The following PDE4D variants were observed in gnomAD, a reference collection of about 807,000 sequenced individuals.
PDE4D encodes the protein 3',5'-cyclic-AMP phosphodiesterase 4D.
PDE4D carries 24 observed loss-of-function variants against 87.4 expected under a neutral mutation model. That is an observed-to-expected ratio of 0.27 (90% CI 0.20 to 0.39). The LOEUF (loss-of-function observed/expected upper bound fraction) is 0.39, where lower values mean the gene tolerates loss of function less well. PDE4D is among the 10% of genes least tolerant of loss of function. The pLI is 1.00. For missense variants in PDE4D, 714 were observed against 1,041.0 expected, an observed-to-expected ratio of 0.69 and a Z score of 4.32; for synonymous variants, 384 against 383.2, an observed-to-expected ratio of 1.00 and a Z score of -0.02.
chr5:59,955,261 A>G (rs1022808826), intron 3 of PDE4D, among the ~76,000 whole-genome samples: 18 of 152,182 alleles, frequency 1.2e-4, no homozygotes, highest in Non-Finnish European at 2.4e-4. Context: ...AAACTAAAAC[A>G]CTATGTATAA....
intron 1 of PDE4D, among the ~76,000 whole-genome samples, chr5:59,572,484 T>G (rs1048172337): frequency 1.3e-5 from 2 of 152,150 alleles, no homozygotes; most frequent in Non-Finnish European, 1.5e-5. Flanking sequence ...TGTTTTTGTT[T>G]TTGTTTTTGT....
intron 1 of PDE4D, among the ~76,000 whole-genome samples, chr5:59,394,130 TCCA>T (rs1788815768): frequency 8.2e-6 from 1 of 122,214 alleles, no homozygotes; most frequent in Non-Finnish European, 1.8e-5. Flanking sequence ...GTTTGAGCAG[TCCA>T]AGACCCACAG....
chr5:58,986,100 G>A (rs944133576), intron 11 of PDE4D, among the ~76,000 whole-genome samples: 1 of 152,208 alleles, frequency 6.6e-6, no homozygotes, highest in East Asian at 1.9e-4. Flanking sequence ...TCCCTATGTC[G>A]CTGTGGTCAC....
chr5:60,268,541 C>G (rs1259484177), intron 1 of PDE4D, among the ~76,000 whole-genome samples: 2 of 152,190 alleles, frequency 1.3e-5, no homozygotes, highest in Non-Finnish European at 2.9e-5. Flanking sequence ...AAAGTGATCT[C>G]AAGTCTCCTG....
intron 1 of PDE4D, among the ~76,000 whole-genome samples, chr5:59,880,394 G>A (rs1749268143): frequency 6.6e-6 from 1 of 152,266 alleles, no homozygotes; most frequent in African/African-American, 2.4e-5. Flanking sequence ...ACAGGTGTGA[G>A]CCACTGTGCC....
chr5:60,511,231 A>G (rs1750559302), intron 1 of PDE4D, among the ~76,000 whole-genome samples: 1 of 152,068 alleles, frequency 6.6e-6, no homozygotes. Context: ...TGGCCTCCCA[A>G]AGTGAGGGAT....
At chr5:59,302,174 T>C (rs1770392140) in intron 1 of PDE4D, among the ~76,000 whole-genome samples, 1 of 152,080 alleles carries the variant, frequency 6.6e-6, no homozygotes, top group Admixed American at 6.6e-5. Flanking sequence ...ATTAGCAAGT[T>C]ACTGCGCATG....
intron 1 of PDE4D, among the ~76,000 whole-genome samples, chr5:59,597,838 C>T (rs1826920015): frequency 6.6e-6 from 1 of 152,076 alleles, no homozygotes; most frequent in African/African-American, 2.4e-5. Flanking sequence ...TGGACAGATG[C>T]CCTCTCATTC....
At chr5:59,961,064 A>G (rs1759414347) in intron 3 of PDE4D, among the ~76,000 whole-genome samples, 1 of 152,146 alleles carries the variant, frequency 6.6e-6, no homozygotes, top group Admixed American at 6.6e-5. Flanking sequence ...CACATCAGTG[A>G]GCATAACAGA....
At chr5:59,330,998 C>T (rs561723325) in intron 1 of PDE4D, among the ~76,000 whole-genome samples, 5 of 152,174 alleles carry the variant, frequency 3.3e-5, no homozygotes, top group African/African-American at 4.8e-5. Context: ...CCTTCTGGAT[C>T]GCCCAGTTTC....
chr5:59,112,809 T>C (rs1266953723), intron 5 of PDE4D, among the ~76,000 whole-genome samples: 1 of 150,818 alleles, frequency 6.6e-6, no homozygotes, highest in Non-Finnish European at 1.5e-5. Flanking sequence ...CTTTCTTTTT[T>C]TTTTTTTTGA....
chr5:59,780,765 A>C (rs7706788), intron 1 of PDE4D, among the ~76,000 whole-genome samples: 2 of 152,210 alleles, frequency 1.3e-5, no homozygotes, highest in South Asian at 4.1e-4. Flanking sequence ...TCCTTAGATA[A>C]GTAGTTTTAT....
At chr5:59,115,687 G>T (rs944335961) in intron 5 of PDE4D, among the ~76,000 whole-genome samples, 2 of 152,128 alleles carry the variant, frequency 1.3e-5, no homozygotes, top group Non-Finnish European at 2.9e-5. Flanking sequence ...TATTAGGGTT[G>T]CAGGCTAAGT....
chr5:60,285,688 G>A (rs1752357147), intron 1 of PDE4D, among the ~76,000 whole-genome samples: 1 of 152,154 alleles, frequency 6.6e-6, no homozygotes, highest in Admixed American at 6.6e-5. Flanking sequence ...TGAAAATAAA[G>A]AGATACTACC....
chr5:59,577,122 T>C (rs541413668), intron 1 of PDE4D, among the ~76,000 whole-genome samples: 10 of 152,174 alleles, frequency 6.6e-5, no homozygotes, highest in African/African-American at 2.4e-4. Flanking sequence ...AAATGGAGGA[T>C]ATATGAAAAA....
chr5:60,177,814 A>C (rs1784053429), intron 2 of PDE4D, among the ~76,000 whole-genome samples: 1 of 152,200 alleles, frequency 6.6e-6, no homozygotes, highest in Non-Finnish European at 1.5e-5. Context: ...TCATTCACCC[A>C]AAGTCATGTA....
intron 1 of PDE4D, among the ~76,000 whole-genome samples, chr5:60,306,178 A>G (rs1047864624): frequency 6.6e-6 from 1 of 151,340 alleles, no homozygotes; most frequent in Non-Finnish European, 1.5e-5. Context: ...ATAACCTTTA[A>G]AAATAAAAAC....
intron 5 of PDE4D, among the ~76,000 whole-genome samples, chr5:59,135,244 C>T (rs1469012859): frequency 6.6e-6 from 1 of 152,138 alleles, no homozygotes; most frequent in African/African-American, 2.4e-5. Context: ...ATTTCTGTTG[C>T]TTTTTGGTTC....
chr5:60,296,520 A>G (rs112934593), intron 1 of PDE4D, among the ~76,000 whole-genome samples: 47 of 152,336 alleles, frequency 3.1e-4, no homozygotes, highest in African/African-American at 7.9e-4. Flanking sequence ...TTTCTTTCTA[A>G]TAAGTACCAT....
Sources: gnomAD v4.1 joint callset for allele counts (sites outside exome capture counted in the v4.1 genomes callset) on GRCh38, gnomAD v4.1.1 for gene constraint, MANE v1.5 for transcripts, NCBI Gene and HGNC (gene_info 2026-07-23, HGNC 2026-07-21) for gene names.